Variants in TET1 observed in about 807,000 individuals in gnomAD.
The protein encoded by TET1 is methylcytosine dioxygenase TET1.
In TET1, 13 loss-of-function variants were observed where a neutral mutation model predicts 148.7. That is an observed-to-expected ratio of 0.09 (90% CI 0.06 to 0.14). The LOEUF (loss-of-function observed/expected upper bound fraction) is 0.14, where lower values mean the gene tolerates loss of function less well. Among genes scored for constraint, TET1 ranks in the 10% least tolerant of loss-of-function variants. The pLI is 1.00. For synonymous variants in TET1, 907 were observed against 937.2 expected, an observed-to-expected ratio of 0.97 and a Z score of 0.59; for missense variants, 2,182 against 2,553.8, an observed-to-expected ratio of 0.85 and a Z score of 3.14.
At chr10:68,627,589 C>G (rs1361236205) in intron 3 of TET1, among the ~76,000 whole-genome samples, 2 of 151,318 alleles carry the variant, frequency 1.3e-5, no homozygotes, top group African/African-American at 2.4e-5. Context: ...GAGCGAGACT[C>G]TGTCTCAAAA....
chr10:68,579,499 T>C (rs554336489), intron 2 of TET1, among the ~76,000 whole-genome samples: 1 of 152,342 alleles, frequency 6.6e-6, no homozygotes, highest in East Asian at 1.9e-4. Flanking sequence ...TCTCCTAGGC[T>C]ATGCACTGGA....
At chr10:68,596,395 CCTG>C (rs1441609654) in intron 2 of TET1, among the ~76,000 whole-genome samples, 1 of 152,058 alleles carries the variant, frequency 6.6e-6, no homozygotes, top group African/African-American at 2.4e-5. Flanking sequence ...CAAGTTCTAA[CCTG>C]CTGTGCAAGC....
intron 11 of TET1, among the ~76,000 whole-genome samples, chr10:68,688,486 G>A (rs937124367): frequency 7.3e-6 from 1 of 137,494 alleles, no homozygotes; most frequent in Admixed American, 7.8e-5. Flanking sequence ...CCAGGCTGGA[G>A]TGCAGTGGCG....
chr10:68,595,987 C>T (rs371076052), intron 2 of TET1, among the ~76,000 whole-genome samples: 4,613 of 53,814 alleles, frequency 0.086, 420 homozygotes, highest in African/African-American at 0.21. Context: ...CATATATACA[C>T]ACACACACAC....
At chr10:68,570,251 C>CACA (rs1290647283) in intron 1 of TET1, among the ~76,000 whole-genome samples, 1 of 151,882 alleles carries the variant, frequency 6.6e-6, no homozygotes, top group East Asian at 1.9e-4. Context: ...ATTACAGGCG[C>CACA]CTGCCACCAC....
intron 6 of TET1, among the ~76,000 whole-genome samples, chr10:68,653,708 G>A (rs565090326): frequency 2.0e-4 from 30 of 152,252 alleles, no homozygotes; most frequent in African/African-American, 7.2e-4. Context: ...CTCTAATACA[G>A]TTAGTCCAAC....
intron 1 of TET1, among the ~76,000 whole-genome samples, chr10:68,570,745 T>C (rs1399596579): frequency 6.6e-6 from 1 of 151,546 alleles, no homozygotes; most frequent in African/African-American, 2.4e-5. Context: ...TTCTCCTGCC[T>C]CAGCCTCCTG....
At chr10:68,584,024 A>T (rs2053831249) in intron 2 of TET1, among the ~76,000 whole-genome samples, 1 of 152,084 alleles carries the variant, frequency 6.6e-6, no homozygotes, top group South Asian at 2.1e-4. Context: ...GAATTAGTGA[A>T]TGAATAAAAT....
At chr10:68,593,502 G>C (rs987731307) in intron 2 of TET1, among the ~76,000 whole-genome samples, 10 of 152,006 alleles carry the variant, frequency 6.6e-5, no homozygotes, top group African/African-American at 2.4e-4. Flanking sequence ...GAGTGCAGTG[G>C]CAGCATTTTG....
chr10:68,598,700 CT>C (rs36067164), intron 2 of TET1, among the ~76,000 whole-genome samples: 21,737 of 129,610 alleles, frequency 0.17, 1,370 homozygotes, highest in South Asian at 0.23. Context: ...CTTTTTCTTT[CT>C]TTTTTTTTTT....
At chr10:68,663,195 A>T (rs1214423916) in intron 6 of TET1, among the ~76,000 whole-genome samples, 1 of 152,182 alleles carries the variant, frequency 6.6e-6, no homozygotes, top group Admixed American at 6.5e-5. Context: ...CTTCCATATG[A>T]ACCTTAGAAG....
intron 4 of TET1, among the ~76,000 whole-genome samples, chr10:68,648,376 G>A (rs1341639716): frequency 6.6e-6 from 1 of 152,138 alleles, no homozygotes; most frequent in Non-Finnish European, 1.5e-5. Context: ...CTCTAATATA[G>A]CTGTAAAAAA....
chr10:68,588,673 C>T (rs2053885755), intron 2 of TET1, among the ~76,000 whole-genome samples: 1 of 152,138 alleles, frequency 6.6e-6, no homozygotes, highest in Non-Finnish European at 1.5e-5. Flanking sequence ...ACACAAAAAA[C>T]AAAAATGTTA....
At chr10:68,599,475 C>A (rs1263412879) in intron 2 of TET1, among the ~76,000 whole-genome samples, 1 of 152,190 alleles carries the variant, frequency 6.6e-6, no homozygotes, top group Non-Finnish European at 1.5e-5. Flanking sequence ...TAAGAGGGGT[C>A]GTGGGGGGCA....
chr10:68,686,634 T>G lies in TET1; in HGVS notation c.5331T>G (p.Pro1777=). Residue 1777 remains proline (P), a synonymous_variant, in exon 11 of 12, where the codon CCT becomes CCG. Transcript: ENST00000373644. ...AHKIRAVEKK[P]IPRIKRKNNS... Reference sequence around the variant, plus strand: ...AGATAAGGGCAGTGGAAAAGAAACCTATTCCCCGAATCAAGCGGAAGAATA... The same window carrying G: ...AGATAAGGGCAGTGGAAAAGAAACCGATTCCCCGAATCAAGCGGAAGAATA... The G allele has an allele frequency of 6.2e-7, 1 of 1,614,150 alleles. No individual in the cohort carries two copies. The highest frequency in any genetic ancestry group is 8.5e-7 in the Non-Finnish European group (1 of 1,180,030).
intron 4 of TET1, among the ~76,000 whole-genome samples, chr10:68,648,984 T>C (rs575527943): frequency 7.2e-5 from 11 of 152,196 alleles, no homozygotes; most frequent in Non-Finnish European, 1.5e-4. Context: ...TCTCACAATT[T>C]GGAAAGAGTG....
intron 1 of TET1, among the ~76,000 whole-genome samples, chr10:68,568,451 GACCTCAGGTGATCTGTCC>G (rs1394152061): frequency 1.3e-5 from 2 of 151,406 alleles, no homozygotes; most frequent in African/African-American, 4.9e-5. Flanking sequence ...TCGAACTCCT[GACCTCAGGTGATCTGTCC>G]ACCTCAGGTG....
At chr10:68,631,430 CTTCTT>C (rs2054568143) in intron 3 of TET1, among the ~76,000 whole-genome samples, 62 of 97,714 alleles carry the variant, frequency 6.3e-4, no homozygotes, top group African/African-American at 2.1e-3. Flanking sequence ...TGTTTTCTTT[CTTCTT>C]TTTTTTTTTT....
chr10:68,589,116 C>CA (rs971177022), intron 2 of TET1, among the ~76,000 whole-genome samples: 4 of 150,716 alleles, frequency 2.7e-5, no homozygotes, highest in Non-Finnish European at 4.4e-5. Flanking sequence ...GACCCTTTCT[C>CA]AAAAAAAAGA....
Sources: gnomAD v4.1 joint callset for allele counts (sites outside exome capture counted in the v4.1 genomes callset) on GRCh38, gnomAD v4.1.1 for gene constraint, MANE v1.5 for transcripts, NCBI Gene and HGNC (gene_info 2026-07-23, HGNC 2026-07-21) for gene names.